DPYD: variants seen among roughly 807,000 people sequenced by gnomAD.
DPYD encodes the protein dihydropyrimidine dehydrogenase [NADP(+)].
A neutral mutation model predicts 116.2 loss-of-function variants in DPYD; 109 were observed. The ratio of observed to expected loss-of-function variants is 0.94; its 90% CI spans 0.80 to 1.10. The LOEUF (loss-of-function observed/expected upper bound fraction) is 1.10, where lower values mean the gene tolerates loss of function less well. DPYD is among the 50% of genes least tolerant of loss of function. The pLI, the probability that DPYD is intolerant of heterozygous loss-of-function variation, is 0.00. For missense variants in DPYD, 1,302 were observed against 1,254.5 expected (o/e 1.04, Z -0.57); for synonymous variants, 440 against 432.0 (o/e 1.02, Z -0.23).
At chr1:97,722,646 G>T (rs977385982) in intron 4 of DPYD, among the ~76,000 whole-genome samples, 1 of 151,490 alleles carries the variant, frequency 6.6e-6, no homozygotes, top group African/African-American at 2.4e-5. Flanking sequence ...TAATTTTGAA[G>T]GTCTTTGAAA....
chr1:97,856,618 G>T (rs1486367227), intron 2 of DPYD: 1 of 152,172 alleles, frequency 6.6e-6, no homozygotes, highest in Non-Finnish European at 1.5e-5. Context: ...ACATTTAGCA[G>T]AGACTTCTGA....
chr1:97,462,042 T>C (rs1020275032), intron 13 of DPYD, among the ~76,000 whole-genome samples: 1 of 152,190 alleles, frequency 6.6e-6, no homozygotes, highest in Non-Finnish European at 1.5e-5. Flanking sequence ...ATGTTATACC[T>C]GAAAGGTGAT....
At chr1:97,494,666 C>A (rs1409040002) in intron 13 of DPYD, among the ~76,000 whole-genome samples, 1 of 151,714 alleles carries the variant, frequency 6.6e-6, no homozygotes, top group African/African-American at 2.4e-5. Flanking sequence ...TCTCTTGAGC[C>A]CAGGAGATCA....
At chr1:97,427,004 T>C (rs981124326) in intron 14 of DPYD, among the ~76,000 whole-genome samples, 2 of 152,088 alleles carry the variant, frequency 1.3e-5, no homozygotes, top group African/African-American at 4.8e-5. Context: ...TCAGAGTTGG[T>C]AGAAGAAGGA....
chr1:97,143,142 A>G (rs894754587), intron 20 of DPYD, among the ~76,000 whole-genome samples: 32 of 152,038 alleles, frequency 2.1e-4, no homozygotes, highest in Admixed American at 5.9e-4. Context: ...TTTTAACTTA[A>G]TAACATGAGC....
chr1:97,739,344 A>G lies in DPYD; in HGVS notation c.321+1048T>C, dbSNP rs375148838. ...GTAAGATAGATGCTACCTTTCCTTC[A>G]TAAGTGAAAGTAAGGAGGTAATTAC... On this transcript the variant is annotated intron_variant, in intron 4 of 22. Transcript: ENST00000370192. Among the ~76,000 whole-genome samples, 63 of 152,222 alleles carry G rather than the reference A, an allele frequency of 4.1e-4. No homozygotes were observed. The East Asian group carries it at 0.011, about 27-fold the overall frequency.
chr1:97,617,555 A>G (rs983600998), intron 8 of DPYD, among the ~76,000 whole-genome samples: 5 of 152,136 alleles, frequency 3.3e-5, no homozygotes, highest in Non-Finnish European at 7.3e-5. Flanking sequence ...ACCAACATTG[A>G]GAGTAAGTTC....
intron 1 of DPYD, among the ~76,000 whole-genome samples, chr1:97,913,373 C>A (rs1222335382): frequency 1.3e-5 from 2 of 152,072 alleles, no homozygotes; most frequent in Admixed American, 6.6e-5. Flanking sequence ...CATTTCCAAA[C>A]AATTTCACCA....
chr1:97,628,543 C>A (rs1206752343), intron 8 of DPYD, among the ~76,000 whole-genome samples: 1 of 152,052 alleles, frequency 6.6e-6, no homozygotes, highest in Non-Finnish European at 1.5e-5. Flanking sequence ...TCAAACAATT[C>A]TATCAAATAA....
intron 20 of DPYD, among the ~76,000 whole-genome samples, chr1:97,182,188 T>C (rs980499180): frequency 6.6e-6 from 1 of 152,148 alleles, no homozygotes; most frequent in Non-Finnish European, 1.5e-5. Context: ...TAACAAATTT[T>C]ATCCAACATT....
chr1:97,455,687 G>A (rs1440691115), intron 13 of DPYD, among the ~76,000 whole-genome samples: 1 of 151,728 alleles, frequency 6.6e-6, no homozygotes, highest in East Asian at 1.9e-4. Flanking sequence ...GAACAATTGC[G>A]CTACTATGAA....
intron 12 of DPYD, among the ~76,000 whole-genome samples, chr1:97,532,309 C>G (rs979781224): frequency 1.3e-5 from 2 of 152,042 alleles, no homozygotes; most frequent in Non-Finnish European, 2.9e-5. Context: ...GTTTTTGCAT[C>G]CATATTCATC....
At chr1:97,184,669 T>C (rs962054891) in intron 20 of DPYD, among the ~76,000 whole-genome samples, 1 of 152,170 alleles carries the variant, frequency 6.6e-6, no homozygotes, top group Non-Finnish European at 1.5e-5. Context: ...TTTAAAATTT[T>C]AATTTCCAGT....
At chr1:97,444,840 T>A (rs990626249) in intron 14 of DPYD, among the ~76,000 whole-genome samples, 1 of 152,066 alleles carries the variant, frequency 6.6e-6, no homozygotes, top group Non-Finnish European at 1.5e-5. Flanking sequence ...TGAGAAAACA[T>A]TTAGACTTTT....
chr1:97,728,743 T>C (rs1663409241), intron 4 of DPYD, among the ~76,000 whole-genome samples: 1 of 152,092 alleles, frequency 6.6e-6, no homozygotes, highest in South Asian at 2.1e-4. Context: ...GCTGTAATGG[T>C]GAATGTACTG....
intron 4 of DPYD, among the ~76,000 whole-genome samples, chr1:97,725,202 C>T (rs1663176412): frequency 6.6e-6 from 1 of 151,472 alleles, no homozygotes; most frequent in Admixed American, 6.6e-5. Flanking sequence ...CCATTTACAA[C>T]AGCAACAAAC....
intron 18 of DPYD, among the ~76,000 whole-genome samples, chr1:97,297,308 T>G (rs1666594502): frequency 6.6e-6 from 1 of 152,154 alleles, no homozygotes; most frequent in South Asian, 2.1e-4. Context: ...AGTCTCCACC[T>G]TCAAGTATCA....
At chr1:97,397,822 T>C (rs1673100460) in intron 14 of DPYD, among the ~76,000 whole-genome samples, 1 of 152,122 alleles carries the variant, frequency 6.6e-6, no homozygotes, top group African/African-American at 2.4e-5. Flanking sequence ...GCTGTAAACA[T>C]CCATGTGCAG....
At chr1:97,103,380 C>A (rs1351312795) in intron 20 of DPYD, among the ~76,000 whole-genome samples, 2 of 151,950 alleles carry the variant, frequency 1.3e-5, no homozygotes, top group East Asian at 3.9e-4. Context: ...TAACAGTAAG[C>A]AATGTTTCAT....
Sources: gnomAD v4.1 joint callset for allele counts (sites outside exome capture counted in the v4.1 genomes callset) on GRCh38, gnomAD v4.1.1 for gene constraint, MANE v1.5 for transcripts, NCBI Gene and HGNC (gene_info 2026-07-23, HGNC 2026-07-21) for gene names.